The following NREP variants were observed in gnomAD, a reference collection of about 807,000 sequenced individuals.
NREP encodes neuronal regeneration-related protein.
NREP carries 5 observed loss-of-function variants against 8.6 expected under a neutral mutation model. The ratio of observed to expected loss-of-function variants is 0.58; its 90% CI spans 0.30 to 1.22. The LOEUF is 1.22. Ranked by LOEUF, NREP falls within the 50% of genes most tolerant of loss-of-function variation. NREP has a pLI of 0.07. For missense variants in NREP, 86 were observed against 82.5 expected, an observed-to-expected ratio of 1.04 and a Z score of -0.17; for synonymous variants, 27 against 28.0, an observed-to-expected ratio of 0.96 and a Z score of 0.11.
intron 2 of NREP, among the ~76,000 whole-genome samples, chr5:111,815,519 T>C (rs1410031653): frequency 6.6e-6 from 1 of 151,904 alleles, no homozygotes; most frequent in Non-Finnish European, 1.5e-5. Context: ...GTAAATATAT[T>C]GAAGAAAATG....
intron 2 of NREP, among the ~76,000 whole-genome samples, chr5:111,744,422 AC>A (rs1749873810): frequency 6.6e-6 from 1 of 152,160 alleles, no homozygotes; most frequent in South Asian, 2.1e-4. Context: ...AAGAATTCTG[AC>A]TTTTTTTTAA....
At chr5:111,874,859 G>C (rs1753868583) in intron 2 of NREP, among the ~76,000 whole-genome samples, 1 of 152,078 alleles carries the variant, frequency 6.6e-6, no homozygotes, top group East Asian at 1.9e-4. Flanking sequence ...AGATAGGCTT[G>C]GAATGCCAGA....
chr5:111,869,715 A>C (rs2112494153), intron 2 of NREP, among the ~76,000 whole-genome samples: 1 of 152,320 alleles, frequency 6.6e-6, no homozygotes, highest in African/African-American at 2.4e-5. Context: ...TATTTTGAGA[A>C]GCATTATGGA....
At chr5:111,973,523 G>A (rs1188595611) in intron 2 of NREP, among the ~76,000 whole-genome samples, 2 of 152,222 alleles carry the variant, frequency 1.3e-5, no homozygotes, top group South Asian at 2.1e-4. Flanking sequence ...TGCATCCTGC[G>A]AAAATATTTA....
chr5:111,878,656 G>A (rs775230442), intron 2 of NREP, among the ~76,000 whole-genome samples: 19 of 152,110 alleles, frequency 1.2e-4, no homozygotes, highest in African/African-American at 1.7e-4. Flanking sequence ...TTGTCTTAAA[G>A]GCCTTAGAAA....
intron 2 of NREP, among the ~76,000 whole-genome samples, chr5:111,779,746 T>G (rs1278902531): frequency 6.6e-5 from 10 of 152,304 alleles, no homozygotes; most frequent in East Asian, 1.9e-4. Flanking sequence ...CCTGGGTCAA[T>G]CCATTTCTGA....
rs76887932 is a variant in NREP at position 111,895,859 on chromosome 5, T to G, written c.135+79415A>C. ...AGAACCACAGGCTCATGTACGGCCT[T>G]AGAAGGAGGAGTGATGGGCAAAATG... is the stretch of plus-strand genomic sequence containing the variant. On this transcript the variant is annotated intron_variant, in intron 2 of 3. Transcript: ENST00000395634. 1.9e-3 allele frequency among the ~76,000 whole-genome samples: 296 copies of G among 152,184 alleles called. 8 individuals are homozygous for G. In the East Asian group the frequency reaches 0.052, roughly 27 times the overall value.
At chr5:111,930,448 AT>A (rs1755506335) in intron 2 of NREP, among the ~76,000 whole-genome samples, 1 of 152,162 alleles carries the variant, frequency 6.6e-6, no homozygotes, top group Non-Finnish European at 1.5e-5. Context: ...AATGTATTTT[AT>A]GATTATGTTT....
chr5:111,744,608 G>T (rs1447904649), intron 2 of NREP, among the ~76,000 whole-genome samples: 1 of 152,118 alleles, frequency 6.6e-6, no homozygotes, highest in Admixed American at 6.6e-5. Flanking sequence ...ACCCCTCTGG[G>T]TGGAGCCAAG....
intron 2 of NREP, among the ~76,000 whole-genome samples, chr5:111,884,675 C>A (rs576586014): frequency 1.3e-5 from 2 of 152,264 alleles, no homozygotes; most frequent in South Asian, 4.1e-4. Flanking sequence ...TCAATGTACA[C>A]AAATCAATAA....
At chr5:111,747,744 CCTT>C in intron 2 of NREP, among the ~76,000 whole-genome samples, 1 of 152,104 alleles carries the variant, frequency 6.6e-6, no homozygotes, top group East Asian at 1.9e-4. Context: ...GTTATTTACT[CCTT>C]CTCCTTCTTG....
intron 2 of NREP, among the ~76,000 whole-genome samples, chr5:111,815,059 G>A (rs549502779): frequency 6.6e-5 from 10 of 151,940 alleles, no homozygotes; most frequent in African/African-American, 2.4e-4. Context: ...ACAATGAGCC[G>A]ACATTTTCCC....
intron 3 of NREP, 57 bp from the exon 4 acceptor site, chr5:111,731,103 A>G: frequency 6.3e-7 from 1 of 1,587,076 alleles, no homozygotes; most frequent in Non-Finnish European, 8.6e-7. Flanking sequence ...AAAATTAGTC[A>G]TGCTTCTGAA....
intron 2 of NREP, among the ~76,000 whole-genome samples, chr5:111,958,516 T>C (rs1756390853): frequency 6.6e-6 from 1 of 151,970 alleles, no homozygotes; most frequent in Non-Finnish European, 1.5e-5. Context: ...TTCAAACATT[T>C]ATACTTATTT....
intron 2 of NREP, among the ~76,000 whole-genome samples, chr5:111,810,646 C>T (rs1752248763): frequency 6.6e-6 from 1 of 152,172 alleles, no homozygotes; most frequent in South Asian, 2.1e-4. Context: ...AACTTTCAAC[C>T]TATAGAACCA....
chr5:111,739,054 CT>C (rs1337285770), intron 2 of NREP: 1 of 152,204 alleles, frequency 6.6e-6, no homozygotes, highest in Non-Finnish European at 1.5e-5. Context: ...GTTGTGTAAG[CT>C]GCCCAGTCTG....
At chr5:111,757,569 G>A (rs1750808481), upstream of NREP, 1 of 984,570 alleles carries the variant, frequency 1.0e-6, no homozygotes, top group African/African-American at 1.7e-5. Flanking sequence ...TACTCGGCAG[G>A]AATCGGCGGC....
At chr5:111,815,450 A>AAAAATTGCCAGGCATCT (rs1752363954) in intron 2 of NREP, among the ~76,000 whole-genome samples, 1 of 152,246 alleles carries the variant, frequency 6.6e-6, no homozygotes, top group African/African-American at 2.4e-5. Flanking sequence ...GTAATTCAAG[A>AAAAATTGCCAGGCATCT]AAAATTGCCA....
intron 2 of NREP, among the ~76,000 whole-genome samples, chr5:111,885,445 T>C (rs1754215659): frequency 6.6e-6 from 1 of 151,840 alleles, no homozygotes; most frequent in Admixed American, 6.6e-5. Flanking sequence ...AAGCTACCAA[T>C]GACTTTCTTC....
Sources: gnomAD v4.1 joint callset for allele counts (sites outside exome capture counted in the v4.1 genomes callset) on GRCh38, gnomAD v4.1.1 for gene constraint, MANE v1.5 for transcripts, NCBI Gene and HGNC (gene_info 2026-07-23, HGNC 2026-07-21) for gene names.